The following FAM171B variants were observed in gnomAD, a reference collection of about 807,000 sequenced individuals.
FAM171B encodes protein FAM171B.
Under a neutral mutation model 75.6 loss-of-function variants are expected in FAM171B, and 19 were observed. The ratio of observed to expected loss-of-function variants is 0.25; its 90% CI spans 0.18 to 0.37. FAM171B has a LOEUF of 0.37. Among genes scored for constraint, FAM171B ranks in the 10% least tolerant of loss-of-function variants. FAM171B has a pLI of 1.00. For synonymous variants in FAM171B, 367 were observed against 361.7 expected (o/e 1.01, Z -0.17); for missense variants, 848 against 982.4 (o/e 0.86, Z 1.83).
intron 1 of FAM171B, among the ~76,000 whole-genome samples, chr2:186,727,515 C>T (rs1574103792): frequency 6.6e-6 from 1 of 152,292 alleles, no homozygotes; most frequent in Admixed American, 6.5e-5. Flanking sequence ...TTGTAGCAAA[C>T]TTTGCCATTG....
At position 186,743,487 on chromosome 2, in the gene FAM171B, T is replaced by C. The variant is rs201718626; in HGVS notation, c.477T>C (p.Tyr159=). The C allele has an allele frequency of 5.1e-5, 81 of 1,603,470 alleles. 2 individuals are homozygous for C. The African/African-American group carries it at 9.5e-4, about 19-fold the overall frequency. ...LPWKTRRMPI[Y]SSVTLSLFPQ... ...TAATTGTGCTATATTTCACAGTATA[T>C]TCATCAGTTACACTTTCACTGTTCC... The change falls in exon 3 of 8, where the codon TAT becomes TAC. Residue 159 remains tyrosine (Y), a synonymous_variant. Coordinates refer to ENST00000304698, the MANE Select transcript of FAM171B (RefSeq NM_177454.4).
intron 1 of FAM171B, among the ~76,000 whole-genome samples, chr2:186,697,414 A>AT (rs1689599375): frequency 6.6e-6 from 1 of 151,762 alleles, no homozygotes; most frequent in African/African-American, 2.4e-5. Context: ...CTAATTTTTA[A>AT]TTTTTTTCTT....
intron 1 of FAM171B, among the ~76,000 whole-genome samples, chr2:186,709,206 C>G (rs1481280485): frequency 3.3e-5 from 5 of 152,126 alleles, no homozygotes; most frequent in African/African-American, 1.2e-4. Context: ...CCCCCATGAT[C>G]CAGTCACCTC....
chr2:186,747,679 T>C (rs761317209), intron 4 of FAM171B, among the ~76,000 whole-genome samples: 2 of 152,116 alleles, frequency 1.3e-5, no homozygotes, highest in Non-Finnish European at 2.9e-5. Flanking sequence ...AGAAAAAAGT[T>C]TATAGATTGG....
At chr2:186,719,568 A>G (rs2105778211) in intron 1 of FAM171B, among the ~76,000 whole-genome samples, 1 of 152,358 alleles carries the variant, frequency 6.6e-6, no homozygotes, top group South Asian at 2.1e-4. Context: ...CAAATAAAAC[A>G]ACAATCTTGG....
At chr2:186,698,329 T>A (rs186972155) in intron 1 of FAM171B, among the ~76,000 whole-genome samples, 11 of 152,290 alleles carry the variant, frequency 7.2e-5, no homozygotes, top group Admixed American at 1.3e-4. Context: ...AATTTTTGAT[T>A]GCATATTTCA....
intron 5 of FAM171B, among the ~76,000 whole-genome samples, chr2:186,753,215 C>A (rs1348777234): frequency 6.6e-6 from 1 of 152,100 alleles, no homozygotes; most frequent in East Asian, 1.9e-4. Context: ...GTGGCGCACT[C>A]TCAGCTCACT....
At chr2:186,704,592 T>A (rs1559080978) in intron 1 of FAM171B, among the ~76,000 whole-genome samples, 1 of 152,182 alleles carries the variant, frequency 6.6e-6, no homozygotes, top group Non-Finnish European at 1.5e-5. Context: ...AATTACAAAG[T>A]CTCATAAAAC....
chr2:186,717,063 C>T (rs934272747), intron 1 of FAM171B, among the ~76,000 whole-genome samples: 4 of 151,976 alleles, frequency 2.6e-5, no homozygotes, highest in African/African-American at 4.8e-5. Context: ...GAAATGGAGC[C>T]GGGATTAGAA....
intron 1 of FAM171B, among the ~76,000 whole-genome samples, chr2:186,712,477 T>C (rs73979349): frequency 0.019 from 2,912 of 152,256 alleles, 99 homozygotes; most frequent in African/African-American, 0.065. Context: ...TCTTTTTCAT[T>C]AAAAAATATT....
chr2:186,732,920 A>G (rs1018250002), intron 1 of FAM171B, among the ~76,000 whole-genome samples: 60 of 152,330 alleles, frequency 3.9e-4, no homozygotes, highest in African/African-American at 1.4e-3. Flanking sequence ...GCTGATCACC[A>G]GTTTCAGATT....
At chr2:186,727,018 C>T (rs1312564188) in intron 1 of FAM171B, among the ~76,000 whole-genome samples, 2 of 152,074 alleles carry the variant, frequency 1.3e-5, no homozygotes, top group Non-Finnish European at 2.9e-5. Flanking sequence ...CCTTTTTCTA[C>T]CTCTCTCCCT....
intron 3 of FAM171B, among the ~76,000 whole-genome samples, chr2:186,744,759 T>C (rs1041739224): frequency 6.6e-6 from 1 of 152,000 alleles, no homozygotes; most frequent in East Asian, 1.9e-4. Flanking sequence ...ACTCCTGACC[T>C]CTGGTGATCC....
intron 1 of FAM171B, among the ~76,000 whole-genome samples, chr2:186,700,977 C>T (rs934482587): frequency 1.3e-5 from 2 of 151,918 alleles, no homozygotes; most frequent in Non-Finnish European, 2.9e-5. Flanking sequence ...AGTGTAGTGG[C>T]ACAATCTCAG....
intron 1 of FAM171B, among the ~76,000 whole-genome samples, chr2:186,710,622 C>T (rs917883413): frequency 6.6e-6 from 1 of 152,106 alleles, no homozygotes; most frequent in Non-Finnish European, 1.5e-5. Context: ...TGTTAGGGCT[C>T]CTCATTTTTT....
chr2:186,712,561 T>A (rs1449722097), intron 1 of FAM171B, among the ~76,000 whole-genome samples: 3 of 152,238 alleles, frequency 2.0e-5, no homozygotes, highest in Non-Finnish European at 4.4e-5. Flanking sequence ...AGTAATACCA[T>A]AAGATGCTTT....
chr2:186,753,258 C>T (rs192684442), intron 5 of FAM171B, among the ~76,000 whole-genome samples: 1,554 of 152,280 alleles, frequency 0.01, 95 homozygotes, highest in Admixed American at 0.094. Flanking sequence ...AAGCGATTCT[C>T]CTGCCTCAGC....
At chr2:186,760,117 G>T (rs1690593079) in intron 6 of FAM171B, among the ~76,000 whole-genome samples, 1 of 152,048 alleles carries the variant, frequency 6.6e-6, no homozygotes, top group South Asian at 2.1e-4. Flanking sequence ...TTTATTTATA[G>T]GTTCTCTGTT....
intron 1 of FAM171B, among the ~76,000 whole-genome samples, chr2:186,720,700 C>CA (rs71411184): frequency 0.43 from 47,163 of 110,082 alleles, 9,720 homozygotes; most frequent in Middle Eastern, 0.55. Flanking sequence ...AGATCATGTA[C>CA]AAAAAAAAAA....
Sources: allele counts gnomAD v4.1 joint callset (sites outside exome capture counted in the v4.1 genomes callset), GRCh38; gene constraint gnomAD v4.1.1; transcripts MANE v1.5; gene names NCBI Gene and HGNC (gene_info 2026-07-23, HGNC 2026-07-21).